CNTNAP2: variants seen among roughly 807,000 people sequenced by gnomAD.
CNTNAP2 encodes contactin associated protein 2.
Under a neutral mutation model 155.2 loss-of-function variants are expected in CNTNAP2, and 98 were observed. That is an observed-to-expected ratio of 0.63 (90% CI 0.54 to 0.75). The LOEUF (loss-of-function observed/expected upper bound fraction) is 0.75, where lower values mean the gene tolerates loss of function less well. CNTNAP2 is among the 30% of genes least tolerant of loss of function. CNTNAP2 has a pLI of 0.00. For synonymous variants in CNTNAP2, 651 were observed against 631.2 expected (o/e 1.03, Z -0.47); for missense variants, 1,727 against 1,688.1 (o/e 1.02, Z -0.40).
chr7:147,833,786 G>A (rs1212767607), intron 13 of CNTNAP2, among the ~76,000 whole-genome samples: 1 of 152,210 alleles, frequency 6.6e-6, no homozygotes, highest in Non-Finnish European at 1.5e-5. Flanking sequence ...AGCTCTGTTA[G>A]GCAAGGGGTT....
intron 10 of CNTNAP2, among the ~76,000 whole-genome samples, chr7:147,474,076 T>A (rs1472953966): frequency 1.3e-5 from 2 of 150,922 alleles, no homozygotes; most frequent in East Asian, 3.9e-4. Context: ...CGAAACTCCG[T>A]CTCTAAAAAA....
intron 3 of CNTNAP2, among the ~76,000 whole-genome samples, chr7:146,841,885 G>C (rs1007406379): frequency 2.9e-5 from 4 of 135,752 alleles, no homozygotes; most frequent in Non-Finnish European, 6.3e-5. Context: ...TTGTCTTGGA[G>C]TCTTTTTTTT....
At chr7:147,747,496 A>G (rs112109621) in intron 13 of CNTNAP2, among the ~76,000 whole-genome samples, 6,975 of 152,240 alleles carry the variant, frequency 0.046, 503 homozygotes, top group African/African-American at 0.16. Flanking sequence ...CCATTCATCC[A>G]TTGATGGACA....
intron 1 of CNTNAP2, among the ~76,000 whole-genome samples, chr7:146,229,193 C>T (rs1799343976): frequency 6.6e-6 from 1 of 152,038 alleles, no homozygotes; most frequent in Admixed American, 6.6e-5. Flanking sequence ...ACTTTTTCCC[C>T]TTATAAATAA....
chr7:147,403,082 C>T (rs754933442), intron 10 of CNTNAP2, among the ~76,000 whole-genome samples: 77 of 152,154 alleles, frequency 5.1e-4, no homozygotes, highest in Non-Finnish European at 8.2e-4. Context: ...TCTCTGAAGA[C>T]TGCTACCTGG....
At chr7:146,985,731 T>C (rs1010666629) in intron 3 of CNTNAP2, among the ~76,000 whole-genome samples, 3 of 152,130 alleles carry the variant, frequency 2.0e-5, no homozygotes, top group Non-Finnish European at 4.4e-5. Context: ...TATTCTCCCT[T>C]TTCTTTGAAA....
intron 1 of CNTNAP2, among the ~76,000 whole-genome samples, chr7:146,743,582 T>A (rs1209150549): frequency 6.6e-6 from 1 of 152,220 alleles, no homozygotes; most frequent in African/African-American, 2.4e-5. Flanking sequence ...GACTTTTTTT[T>A]TTTTAATGTG....
intron 3 of CNTNAP2, among the ~76,000 whole-genome samples, chr7:146,853,146 G>A (rs1794912978): frequency 6.6e-6 from 1 of 152,154 alleles, no homozygotes; most frequent in Non-Finnish European, 1.5e-5. Flanking sequence ...TTATGACATA[G>A]CAGGAATATC....
At chr7:147,300,571 T>C (rs1416196060) in intron 9 of CNTNAP2, among the ~76,000 whole-genome samples, 1 of 152,194 alleles carries the variant, frequency 6.6e-6, no homozygotes, top group African/African-American at 2.4e-5. Flanking sequence ...TCCTCAAAAG[T>C]CAGGTCCTTG....
rs1795375752 is a variant in CNTNAP2 at position 146,380,889 on chromosome 7, C to A, written c.97+263916C>A. ...CTCGGCTCACTGCAGGCTCCGCCCC[C>A]TGGGGTTCACGCCATTCTCCTGCCT... On this transcript the variant is annotated intron_variant, in intron 1 of 23. Coordinates refer to ENST00000361727, the MANE Select transcript of CNTNAP2 (RefSeq NM_014141.6). Among the ~76,000 whole-genome samples, 6 of 138,374 alleles carry A rather than the reference C, an allele frequency of 4.3e-5. 1 individual carries two copies. The Admixed American group carries it at 4.6e-4, about 11-fold the overall frequency. The allele number at this position is 138,374 out of a possible 152,430, so 90.8% of individuals were successfully genotyped here.
chr7:147,800,710 G>A (rs553117868), intron 13 of CNTNAP2, among the ~76,000 whole-genome samples: 5 of 152,310 alleles, frequency 3.3e-5, no homozygotes, highest in South Asian at 4.1e-4. Flanking sequence ...TTTGAACCCA[G>A]CATGGACCTT....
At chr7:147,924,913 C>G (rs899698761) in intron 14 of CNTNAP2, among the ~76,000 whole-genome samples, 1 of 151,864 alleles carries the variant, frequency 6.6e-6, no homozygotes, top group Non-Finnish European at 1.5e-5. Context: ...GTCAGGAGAT[C>G]AAGACCATCC....
At chr7:147,056,921 C>T (rs573027693) in intron 4 of CNTNAP2, among the ~76,000 whole-genome samples, 2 of 152,204 alleles carry the variant, frequency 1.3e-5, no homozygotes, top group South Asian at 4.2e-4. Context: ...CAGGTGCACA[C>T]CACCATCCCT....
chr7:147,062,936 T>C (rs984782143), intron 4 of CNTNAP2, among the ~76,000 whole-genome samples: 3 of 152,196 alleles, frequency 2.0e-5, no homozygotes, highest in Non-Finnish European at 4.4e-5. Flanking sequence ...CAAAATATAA[T>C]TGATACTACT....
intron 13 of CNTNAP2, among the ~76,000 whole-genome samples, chr7:147,734,723 C>T (rs1230736445): frequency 6.6e-6 from 1 of 152,192 alleles, no homozygotes; most frequent in Non-Finnish European, 1.5e-5. Flanking sequence ...AGAGATTCAA[C>T]TTCTTCCTGG....
intron 11 of CNTNAP2, among the ~76,000 whole-genome samples, chr7:147,553,820 A>T (rs1799898335): frequency 6.6e-6 from 1 of 152,108 alleles, no homozygotes; most frequent in East Asian, 1.9e-4. Context: ...AAAGCACAAA[A>T]ATTAGCCAGG....
intron 13 of CNTNAP2, among the ~76,000 whole-genome samples, chr7:147,661,056 T>A (rs573615625): frequency 7.2e-5 from 11 of 152,260 alleles, no homozygotes; most frequent in African/African-American, 2.6e-4. Flanking sequence ...TGCCTATGGC[T>A]ATTGAAAACC....
chr7:147,698,152 T>G (rs1198854955), intron 13 of CNTNAP2, among the ~76,000 whole-genome samples: 1 of 152,246 alleles, frequency 6.6e-6, no homozygotes, highest in African/African-American at 2.4e-5. Flanking sequence ...ATGAGTACCC[T>G]TCTCTGATAG....
chr7:146,311,466 A>T, intron 1 of CNTNAP2, among the ~76,000 whole-genome samples: 1 of 152,120 alleles, frequency 6.6e-6, no homozygotes, highest in East Asian at 1.9e-4. Context: ...AACATTGTTT[A>T]TTAAAAATAT....
Sources: gnomAD v4.1 joint callset for allele counts (sites outside exome capture counted in the v4.1 genomes callset) on GRCh38, gnomAD v4.1.1 for gene constraint, MANE v1.5 for transcripts, NCBI Gene and HGNC (gene_info 2026-07-23, HGNC 2026-07-21) for gene names.